EPC1: variants seen among roughly 807,000 people sequenced by gnomAD.
The protein encoded by EPC1 is enhancer of polycomb 1, also known as enhancer of polycomb homolog 1.
In EPC1, 12 loss-of-function variants were observed where a neutral mutation model predicts 98.4. The observed-to-expected ratio is 0.12, with a 90% CI of 0.08 to 0.20. EPC1 has a LOEUF of 0.20. EPC1 is among the 10% of genes least tolerant of loss of function. EPC1 has a pLI of 1.00. For synonymous variants in EPC1, 357 were observed against 363.9 expected, an observed-to-expected ratio of 0.98 and a Z score of 0.21; for missense variants, 729 against 990.5, an observed-to-expected ratio of 0.74 and a Z score of 3.54.
chr10:32,279,680 T>C (rs1286239873), intron 10 of EPC1, among the ~76,000 whole-genome samples: 1 of 152,184 alleles, frequency 6.6e-6, no homozygotes, highest in Non-Finnish European at 1.5e-5. Flanking sequence ...CATAGAATTG[T>C]AGCTTAAAAA....
chr10:32,351,456 C>T (rs142854056), upstream of EPC1, among the ~76,000 whole-genome samples: 757 of 151,938 alleles, frequency 5.0e-3, 4 homozygotes, highest in Non-Finnish European at 6.5e-3. Context: ...CAGGAGTTCA[C>T]GACCAGCCTG....
chr10:32,369,529 A>C (rs982880827), intron 1 of EPC1, among the ~76,000 whole-genome samples: 4 of 152,252 alleles, frequency 2.6e-5, no homozygotes, highest in Admixed American at 6.5e-5. Context: ...CTAAGAAGGC[A>C]GACCAAAAAA....
rs777107461 is a variant in EPC1, at chr10:32,286,718, C to T, written c.1367G>A (p.Arg456Gln). 8 of 1,614,016 alleles carry T rather than the reference C, an allele frequency of 5.0e-6. No homozygotes were observed. The highest frequency in any genetic ancestry group is 4.0e-5 in the African/African-American group (3 of 74,910). The change falls in exon 9 of 14, where the codon CGA (arginine) becomes CAA (glutamine). Residue 456 changes from arginine (R) to glutamine (Q), a missense_variant. By Grantham distance (43) the Arg-to-Gln change is conservative. Transcript: ENST00000319778. ...CCTTCCACCGCGCCCAACCCGTCTT[C>T]GTGCAAATCCAATACACCTTTGGGG... ...TVPQRCIGFA[R>Q]RRVGRGGRVL...
intron 2 of EPC1, among the ~76,000 whole-genome samples, chr10:32,303,063 G>A (rs1341346454): frequency 2.6e-5 from 4 of 152,104 alleles, no homozygotes; most frequent in African/African-American, 9.7e-5. Flanking sequence ...TAGCACTTTG[G>A]GAGGCCAAGG....
rs377155247 is a variant in EPC1 at position 32,272,102 on chromosome 10, T to C, written c.1929A>G (p.Ser643=). Residue 643 remains serine (S), a synonymous_variant, in exon 12 of 14, where the codon TCA becomes TCG. Coordinates refer to ENST00000319778, the MANE Select transcript of EPC1 (RefSeq NM_001272004.3). ...AQFAASALVT[S]EQLMGFKMKD... ...TCATCTTGAATCCCATCAGTTGTTC[T>C]GATGTCACCAAAGCAGAAGCAGCAA... is the stretch of plus-strand genomic sequence containing the variant. 14 of 1,613,920 alleles carry C rather than the reference T, an allele frequency of 8.7e-6. No individual in the cohort carries two copies. Among genetic ancestry groups the C allele is most frequent in the Non-Finnish European group, 1.1e-5 (13 of 1,180,016 alleles).
intron 9 of EPC1, chr10:32,285,503 G>C (rs941325688): frequency 1.3e-5 from 2 of 157,018 alleles, no homozygotes; most frequent in African/African-American, 4.8e-5. Context: ...GAGAGAGATG[G>C]AGTTTTACTC....
chr10:32,349,360 C>T (rs1839043502), upstream of EPC1, among the ~76,000 whole-genome samples: 3 of 152,202 alleles, frequency 2.0e-5, no homozygotes, highest in Non-Finnish European at 2.9e-5. Context: ...TTCTTATTCT[C>T]TAGAGAGTCT....
chr10:32,358,188 T>C (rs1054505496), intron 1 of EPC1, among the ~76,000 whole-genome samples: 2 of 152,180 alleles, frequency 1.3e-5, no homozygotes, highest in African/African-American at 4.8e-5. Context: ...TGCTCCCATC[T>C]CATTAAATAC....
At chr10:32,289,309 G>A (rs1478202681) in intron 6 of EPC1, among the ~76,000 whole-genome samples, 9 of 81,902 alleles carry the variant, frequency 1.1e-4, no homozygotes, top group Admixed American at 8.3e-4. Flanking sequence ...CCTCCCCTAC[G>A]TTTTTTAAAA....
chr10:32,378,403 G>A, intron 1 of EPC1: 1 of 1,066,772 alleles, frequency 9.4e-7, no homozygotes, highest in Non-Finnish European at 1.4e-6. Flanking sequence ...TACAAAGATT[G>A]GTTTTGTTAG....
intron 2 of EPC1, among the ~76,000 whole-genome samples, chr10:32,301,832 T>C (rs1488995327): frequency 4.0e-5 from 6 of 151,586 alleles, no homozygotes; most frequent in African/African-American, 4.9e-5. Context: ...GAAGAGAACA[T>C]AGGAAAGGCA....
intron 1 of EPC1, among the ~76,000 whole-genome samples, chr10:32,367,729 T>C (rs910943434): frequency 6.6e-6 from 1 of 152,222 alleles, no homozygotes; most frequent in African/African-American, 2.4e-5. Context: ...AATTCTGAGT[T>C]TGTATTTATT....
chr10:32,363,176 C>G lies in EPC1; in HGVS notation c.3+15315G>C, dbSNP rs188820831. Among the ~76,000 whole-genome samples the G allele has an allele frequency of 1.9e-3, 284 of 152,324 alleles. 4 individuals carry two copies. The highest frequency in any genetic ancestry group is 6.5e-4 in the Non-Finnish European group (44 of 68,034). The stretch of plus-strand genomic sequence containing the variant: ...GCAACCTTGACCTCTGAGGCTCAGG[C>G]AATCATCCCACCTCAGCCTCCTGAG... On this transcript the variant is annotated intron_variant, in intron 1 of 13. Transcript: ENST00000375110.
intron 1 of EPC1, among the ~76,000 whole-genome samples, chr10:32,336,508 TCA>T (rs1168526931): frequency 5.3e-5 from 8 of 152,218 alleles, no homozygotes; most frequent in African/African-American, 1.9e-4. Flanking sequence ...CTGACTGGTC[TCA>T]CTTTAAATGA....
intron 1 of EPC1, among the ~76,000 whole-genome samples, chr10:32,343,330 C>T (rs12265946): frequency 0.12 from 18,999 of 152,214 alleles, 1,230 homozygotes; most frequent in Admixed American, 0.14. Context: ...CCTGCCTCAG[C>T]CTCCCGAATA....
chr10:32,308,870 T>A (rs1836029784), intron 1 of EPC1, among the ~76,000 whole-genome samples: 1 of 152,198 alleles, frequency 6.6e-6, no homozygotes, highest in African/African-American at 2.4e-5. Flanking sequence ...TAGCCAAGAT[T>A]TGGAATCAAC....
intron 13 of EPC1, 91 bp from the exon 14 acceptor site, chr10:32,269,226 T>C: frequency 9.1e-7 from 1 of 1,097,990 alleles, no homozygotes; most frequent in Non-Finnish European, 1.3e-6. Context: ...TTATTTTTAT[T>C]AACAGGAAGA....
chr10:32,286,320 A>C (rs1199401194), intron 9 of EPC1: 1 of 190,424 alleles, frequency 5.3e-6, no homozygotes, highest in Non-Finnish European at 1.1e-5. Flanking sequence ...TGTCAGGTTA[A>C]ACCCATTATA....
intron 1 of EPC1, among the ~76,000 whole-genome samples, chr10:32,320,825 G>C (rs1057468576): frequency 1.7e-4 from 26 of 152,246 alleles, no homozygotes; most frequent in African/African-American, 6.0e-4. Flanking sequence ...GGACTCAAGT[G>C]AACCACCTGC....
Sources: gnomAD v4.1 joint callset for allele counts (sites outside exome capture counted in the v4.1 genomes callset) on GRCh38, gnomAD v4.1.1 for gene constraint, MANE v1.5 for transcripts, NCBI Gene and HGNC (gene_info 2026-07-23, HGNC 2026-07-21) for gene names.